Variants in PRKCA observed in about 807,000 individuals in gnomAD.
PRKCA encodes protein kinase C alpha.
PRKCA carries 27 observed loss-of-function variants against 87.0 expected under a neutral mutation model. The ratio of observed to expected loss-of-function variants is 0.31; its 90% CI spans 0.23 to 0.43. The LOEUF (loss-of-function observed/expected upper bound fraction) is 0.43, where lower values mean the gene tolerates loss of function less well. Among genes scored for constraint, PRKCA ranks in the 20% least tolerant of loss-of-function variants. The probability of loss-of-function intolerance (pLI) is 1.00; values close to 1 mark genes in which losing one functional copy is unlikely to be tolerated. For synonymous variants in PRKCA, 329 were observed against 311.1 expected (o/e 1.06, Z -0.61); for missense variants, 518 against 852.3 (o/e 0.61, Z 4.88).
chr17:66,615,429 C>G (rs944090434), intron 3 of PRKCA, among the ~76,000 whole-genome samples: 2 of 152,050 alleles, frequency 1.3e-5, no homozygotes, highest in African/African-American at 4.8e-5. Flanking sequence ...GGAGTCTGGT[C>G]TGGGAAGTGA....
chr17:66,608,442 A>G (rs1014515142), intron 3 of PRKCA, among the ~76,000 whole-genome samples: 7 of 152,164 alleles, frequency 4.6e-5, no homozygotes, highest in Admixed American at 2.0e-4. Flanking sequence ...TTAATGAGTA[A>G]TATTTTCCCA....
intron 3 of PRKCA, among the ~76,000 whole-genome samples, chr17:66,570,610 T>A (rs1321346431): frequency 2.0e-5 from 3 of 152,222 alleles, no homozygotes; most frequent in Admixed American, 6.5e-5. Flanking sequence ...AATCACTTTC[T>A]TAGGGTGTGA....
At chr17:66,338,087 C>T (rs573317499) in intron 2 of PRKCA, among the ~76,000 whole-genome samples, 9 of 149,376 alleles carry the variant, frequency 6.0e-5, no homozygotes, top group East Asian at 2.0e-4. Flanking sequence ...ATTCCTCTAG[C>T]GGTTCTTGCT....
intron 3 of PRKCA, among the ~76,000 whole-genome samples, chr17:66,623,592 C>T (rs1207977988): frequency 6.6e-6 from 1 of 152,066 alleles, no homozygotes. Context: ...GATGCAGTGG[C>T]CCTCTTTTGG....
intron 8 of PRKCA, among the ~76,000 whole-genome samples, chr17:66,730,474 G>T (rs750410256): frequency 2.0e-4 from 30 of 152,172 alleles, no homozygotes; most frequent in Non-Finnish European, 3.8e-4. Flanking sequence ...AACGAGGGGT[G>T]GATTATTCAT....
intron 2 of PRKCA, among the ~76,000 whole-genome samples, chr17:66,392,470 C>T (rs766834899): frequency 6.6e-6 from 1 of 152,040 alleles, no homozygotes; most frequent in East Asian, 1.9e-4. Context: ...AACTCATTCC[C>T]CTTTACAGTA....
chr17:66,408,168 G>A (rs1390218115), intron 2 of PRKCA, among the ~76,000 whole-genome samples: 1 of 152,186 alleles, frequency 6.6e-6, no homozygotes, highest in Non-Finnish European at 1.5e-5. Flanking sequence ...AAAATAGGTT[G>A]TCCAAGGCAA....
chr17:66,321,435 A>G (rs1363781821), intron 2 of PRKCA, among the ~76,000 whole-genome samples: 1 of 152,370 alleles, frequency 6.6e-6, no homozygotes, highest in South Asian at 2.1e-4. Flanking sequence ...ATAGAACTCA[A>G]GTGCCAAGGA....
chr17:66,796,138 A>G (rs1975661078), intron 16 of PRKCA, among the ~76,000 whole-genome samples: 1 of 152,206 alleles, frequency 6.6e-6, no homozygotes, highest in Non-Finnish European at 1.5e-5. Context: ...CTATATGGTG[A>G]AATGAACAGT....
At chr17:66,562,167 T>C (rs1345577099) in intron 3 of PRKCA, among the ~76,000 whole-genome samples, 1 of 90,762 alleles carries the variant, frequency 1.1e-5, no homozygotes, top group Non-Finnish European at 2.2e-5. Context: ...TATATATAAT[T>C]AAATATATAT....
At chr17:66,352,920 G>A (rs531117561) in intron 2 of PRKCA, among the ~76,000 whole-genome samples, 15 of 152,144 alleles carry the variant, frequency 9.9e-5, no homozygotes, top group Admixed American at 7.2e-4. Flanking sequence ...GGTATATGAA[G>A]GGTGTTCTTG....
At position 66,302,771 on chromosome 17, in the gene PRKCA, C is replaced by A. The variant is rs1904572359; in HGVS notation, c.-81C>A. On this transcript the variant is annotated 5_prime_UTR_variant, in exon 1 of 17. Transcript: ENST00000413366. ...CGCCCGGGGTCGCCCCGAGCCCGCA[C>A]CTCTCCCCCGCCGCCCCCGCCCACC... 7.6e-7 allele frequency: 1 copy of A among 1,314,100 alleles called. No individual in the cohort carries two copies. The highest frequency in any genetic ancestry group is 3.1e-5 in the Admixed American group (1 of 32,530). The allele number at this position is 1,314,100 out of a possible 1,614,324, so 81.4% of individuals were successfully genotyped here.
At chr17:66,463,220 T>C (rs1914934740) in intron 2 of PRKCA, among the ~76,000 whole-genome samples, 1 of 152,082 alleles carries the variant, frequency 6.6e-6, no homozygotes, top group Non-Finnish European at 1.5e-5. Flanking sequence ...ATGTGCAGTT[T>C]TTGCTGACTT....
intron 8 of PRKCA, among the ~76,000 whole-genome samples, chr17:66,715,757 A>G (rs750367285): frequency 2.0e-5 from 3 of 152,070 alleles, no homozygotes; most frequent in African/African-American, 4.8e-5. Flanking sequence ...ATCTGCGTAG[A>G]TACAATTTTG....
chr17:66,781,885 A>AGTG (rs879505250), intron 14 of PRKCA, among the ~76,000 whole-genome samples: 4,036 of 131,232 alleles, frequency 0.031, 85 homozygotes, highest in Middle Eastern at 0.063. Flanking sequence ...ATATATATAT[A>AGTG]TAGTGTGTGT....
chr17:66,477,641 G>A (rs1409004795), intron 2 of PRKCA, among the ~76,000 whole-genome samples: 10 of 152,252 alleles, frequency 6.6e-5, no homozygotes, highest in South Asian at 6.2e-4. Flanking sequence ...CGGAGGTTGT[G>A]GTGAGCTGAG....
intron 2 of PRKCA, among the ~76,000 whole-genome samples, chr17:66,437,731 T>TTTTTTGTTG: frequency 9.0e-5 from 1 of 11,142 alleles, no homozygotes; most frequent in Non-Finnish European, 1.6e-4. Context: ...TTTTTTTTTT[T>TTTTTTGTTG]GAGCGGGGGG....
intron 2 of PRKCA, among the ~76,000 whole-genome samples, chr17:66,354,634 C>T (rs546003126): frequency 6.6e-6 from 1 of 152,168 alleles, no homozygotes; most frequent in Non-Finnish European, 1.5e-5. Context: ...AGGGCTGCCC[C>T]CTTTTCCTGC....
intron 3 of PRKCA, among the ~76,000 whole-genome samples, chr17:66,506,503 A>C (rs1452835763): frequency 6.6e-6 from 1 of 152,194 alleles, no homozygotes; most frequent in African/African-American, 2.4e-5. Context: ...TATTCGTTGA[A>C]CCAAAGAGAA....
Sources: gnomAD v4.1 joint callset for allele counts (sites outside exome capture counted in the v4.1 genomes callset) on GRCh38, gnomAD v4.1.1 for gene constraint, MANE v1.5 for transcripts, NCBI Gene and HGNC (gene_info 2026-07-23, HGNC 2026-07-21) for gene names.